The following SFRP1 variants were observed in gnomAD, a reference collection of about 807,000 sequenced individuals.
The protein encoded by SFRP1 is secreted frizzled-related protein 1.
Under a neutral mutation model 25.9 loss-of-function variants are expected in SFRP1, and 9 were observed. The ratio of observed to expected loss-of-function variants is 0.35; its 90% CI spans 0.21 to 0.61. The LOEUF (loss-of-function observed/expected upper bound fraction) is 0.61. Among genes scored for constraint, SFRP1 ranks in the 20% least tolerant of loss-of-function variants. The pLI is 0.78. For missense variants in SFRP1, 346 were observed against 418.2 expected, an observed-to-expected ratio of 0.83 and a Z score of 1.51; for synonymous variants, 178 against 174.0, an observed-to-expected ratio of 1.02 and a Z score of -0.18.
chr8:41,298,541 GGACTACAGGT>G (rs1263418572), intron 2 of SFRP1, among the ~76,000 whole-genome samples: 2 of 152,066 alleles, frequency 1.3e-5, no homozygotes, highest in East Asian at 3.9e-4. Flanking sequence ...CAAGTAGCTG[GGACTACAGGT>G]GCATGACACC....
intron 2 of SFRP1, among the ~76,000 whole-genome samples, chr8:41,294,873 G>A (rs894114369): frequency 8.5e-5 from 13 of 152,144 alleles, no homozygotes; most frequent in East Asian, 1.9e-4. Context: ...TGCTCCTGCC[G>A]CTTTGAGGAG....
At chr8:41,272,648 G>C (rs547035200) in intron 2 of SFRP1, among the ~76,000 whole-genome samples, 2 of 152,198 alleles carry the variant, frequency 1.3e-5, no homozygotes, top group East Asian at 3.9e-4. Flanking sequence ...TTTTTTAAAA[G>C]ATAAGGTTGA....
chr8:41,288,592 A>T (rs1240036112), intron 2 of SFRP1, among the ~76,000 whole-genome samples: 1 of 144,026 alleles, frequency 6.9e-6, no homozygotes, highest in African/African-American at 2.5e-5. Flanking sequence ...TGTAGTTTCC[A>T]GGACTCTTCC....
chr8:41,299,767 A>G (rs1327171966), intron 2 of SFRP1, among the ~76,000 whole-genome samples: 1 of 151,812 alleles, frequency 6.6e-6, no homozygotes, highest in African/African-American at 2.4e-5. Context: ...TGTATAAGAC[A>G]CTGTGCCAGG....
At chr8:41,276,639 C>T (rs571638094) in intron 2 of SFRP1, among the ~76,000 whole-genome samples, 4 of 151,852 alleles carry the variant, frequency 2.6e-5, no homozygotes, top group Non-Finnish European at 5.9e-5. Flanking sequence ...CACACAAGAA[C>T]AAAAAAAACT....
Position 41,309,348 on chromosome 8 carries a change from C to T in SFRP1, c.-189G>A. On this transcript the variant is annotated 5_prime_UTR_variant, in exon 1 of 3. Transcript: ENST00000220772. ...GCGGCCCTCGGCCTGCGGTCGGAGG[C>T]GGCGCGGGCGGGGAGGCGGCGCTGC... The T allele has an allele frequency of 2.0e-6, 1 of 495,232 alleles. No homozygotes were observed. The highest frequency in any genetic ancestry group is 2.8e-6 in the Non-Finnish European group (1 of 351,196). 30.7% of individuals were successfully genotyped at this position (495,232 alleles called of 1,614,324 possible). A position where few individuals can be genotyped will look rare whatever the true frequency, so the allele number is the denominator to read the frequency against.
Position 41,265,130 on chromosome 8 carries a change from CACCCGAGGCTCCCTCCCCACCCTG to C in SFRP1, c.*13_*36del. The C allele has an allele frequency of 5.4e-6, 3 of 553,666 alleles. No homozygotes were observed. Among genetic ancestry groups the C allele is most frequent in the Admixed American group, 2.7e-5 (1 of 36,578 alleles). The allele number at this position is 553,666 out of a possible 1,614,324, so 34.3% of individuals were successfully genotyped here. On this transcript the variant is annotated 3_prime_UTR_variant, in exon 3 of 3. Coordinates refer to ENST00000220772, the MANE Select transcript of SFRP1 (RefSeq NM_003012.5). ...GGCACTGTCCCCCCCGCTCCCACCC[CACCCGAGGCTCCCTCCCCACCCTG>C]CCCCCGGGAGAATCACTTAAACACG...
intron 2 of SFRP1, among the ~76,000 whole-genome samples, chr8:41,300,849 T>G (rs1803906703): frequency 6.6e-6 from 1 of 152,224 alleles, no homozygotes; most frequent in Admixed American, 6.5e-5. Context: ...TTGCCCCATC[T>G]AAGTCTTGGC....
At chr8:41,306,478 CCT>C (rs1436134300) in intron 1 of SFRP1, among the ~76,000 whole-genome samples, 2 of 145,476 alleles carry the variant, frequency 1.4e-5, no homozygotes, top group East Asian at 4.0e-4. Context: ...CCTCTACACA[CCT>C]ACACACACAC....
In SFRP1 at chr8:41,308,826, A is replaced by T; in HGVS notation, c.334T>A (p.Phe112Ile). ...NKNCHAGTQV[F>I]LCSLFAPVCL... ...ACGGGCGCGAAGAGCGAGCAGAGGA[A>T]GACCTGGGTGCCGGCGTGGCAGTTC... The change falls in exon 1 of 3, where the codon TTC (phenylalanine) becomes ATC (isoleucine). Residue 112 changes from phenylalanine (F) to isoleucine (I), a missense_variant. Coordinates refer to ENST00000220772, the MANE Select transcript of SFRP1 (RefSeq NM_003012.5). 1 of 1,610,582 alleles carries T rather than the reference A, an allele frequency of 6.2e-7. No individual in the cohort carries two copies. The highest frequency in any genetic ancestry group is 8.5e-7 in the Non-Finnish European group (1 of 1,179,352).
chr8:41,301,135 A>T (rs1803911276), intron 2 of SFRP1, among the ~76,000 whole-genome samples: 1 of 152,202 alleles, frequency 6.6e-6, no homozygotes, highest in Non-Finnish European at 1.5e-5. Flanking sequence ...CTGCTTACCC[A>T]GGGAAATGCA....
At chr8:41,283,999 ACT>A (rs779072166) in intron 2 of SFRP1, among the ~76,000 whole-genome samples, 25 of 151,874 alleles carry the variant, frequency 1.6e-4, no homozygotes, top group Non-Finnish European at 3.2e-4. Context: ...GGGCCAGGGG[ACT>A]CTCTGGGGGA....
In SFRP1 at chr8:41,308,837, C is replaced by G; in HGVS notation, c.323G>C (p.Gly108Ala). 6.2e-7 allele frequency: 1 copy of G among 1,609,782 alleles called. No homozygotes were observed. Among genetic ancestry groups the G allele is most frequent in the South Asian group, 1.1e-5 (1 of 90,828 alleles). Residue 108 changes from glycine to alanine, a missense_variant, in exon 1 of 3, where the codon GGC becomes GCC. By Grantham distance (60) the Gly-to-Ala change is moderately conservative. Coordinates refer to ENST00000220772, the MANE Select transcript of SFRP1 (RefSeq NM_003012.5). ...VPLLNKNCHAGTQVFLCSLFA... is the reference protein window; with the variant it reads ...VPLLNKNCHAATQVFLCSLFA... ...GAGCGAGCAGAGGAAGACCTGGGTG[C>G]CGGCGTGGCAGTTCTTGTTGAGCAG...
At chr8:41,296,981 A>G (rs1803851526) in intron 2 of SFRP1, among the ~76,000 whole-genome samples, 1 of 151,896 alleles carries the variant, frequency 6.6e-6, no homozygotes, top group African/African-American at 2.4e-5. Context: ...TCCGAGGGGG[A>G]GTTGTTTGTT....
rs1198238139 is a variant in SFRP1, at chr8:41,263,506, C to G, written c.*1661G>C. The G allele has an allele frequency of 6.6e-6, 1 of 152,256 alleles. No individual in the cohort carries two copies. Among genetic ancestry groups the G allele is most frequent in the Non-Finnish European group, 1.5e-5 (1 of 68,062 alleles). 9.4% of individuals were successfully genotyped at this position (152,256 alleles called of 1,614,324 possible). A position where few individuals can be genotyped will look rare whatever the true frequency, so the allele number is the denominator to read the frequency against. ...CTACCATCCTTTCCTCCGGGTCAGG[C>G]TAGGGCCGCAGGGGGCCACTTTACA... On this transcript the variant is annotated 3_prime_UTR_variant, in exon 3 of 3. Transcript: ENST00000220772.
chr8:41,267,849 AC>A (rs1163062508), intron 2 of SFRP1, among the ~76,000 whole-genome samples: 4 of 152,096 alleles, frequency 2.6e-5, no homozygotes, highest in South Asian at 4.1e-4. Flanking sequence ...TTTAGAATGG[AC>A]CCCAAACTTG....
chr8:41,285,312 C>T (rs1382299581), intron 2 of SFRP1, among the ~76,000 whole-genome samples: 1 of 152,152 alleles, frequency 6.6e-6, no homozygotes, highest in Non-Finnish European at 1.5e-5. Context: ...CACTGCTGTC[C>T]TCCGCCCCTC....
In SFRP1 at chr8:41,286,715, C is replaced by T. The variant is rs922211582; in HGVS notation, c.622+16746G>A. Among the ~76,000 whole-genome samples the T allele has an allele frequency of 2.6e-5, 4 of 152,188 alleles. No individual in the cohort carries two copies. The South Asian group carries it at 8.3e-4, about 32-fold the overall frequency. On this transcript the variant is annotated intron_variant, in intron 2 of 2. Transcript: ENST00000220772. ...CTTTCTTCACTGAAGAGGGGGTCCA[C>T]ACACGAGGTCGGGGGCAGCTAGGAA...
rs905854604 is a variant in SFRP1, at chr8:41,309,288, G to A, written c.-129C>T. On this transcript the variant is annotated 5_prime_UTR_variant, in exon 1 of 3. Transcript: ENST00000220772. ...AGTCCCCAGCGTTGCCCGGCTCCGC[G>A]GCCGCAAGCTGCTGCCCGGTCCCCC... The A allele has an allele frequency of 1.7e-5, 19 of 1,101,176 alleles. No individual in the cohort carries two copies. Among genetic ancestry groups the A allele is most frequent in the Non-Finnish European group, 2.0e-5 (18 of 878,068 alleles). The allele number at this position is 1,101,176 out of a possible 1,614,324, so 68.2% of individuals were successfully genotyped here.
Sources: allele counts gnomAD v4.1 joint callset (sites outside exome capture counted in the v4.1 genomes callset), GRCh38; gene constraint gnomAD v4.1.1; transcripts MANE v1.5; gene names NCBI Gene and HGNC (gene_info 2026-07-23, HGNC 2026-07-21).